The following TTC3 variants were observed in gnomAD, a reference collection of about 807,000 sequenced individuals.
TTC3 encodes E3 ubiquitin-protein ligase TTC3.
In TTC3, 180 loss-of-function variants were observed where a neutral mutation model predicts 249.6. That is an observed-to-expected ratio of 0.72 (90% CI 0.64 to 0.82). The LOEUF is 0.82. Among genes scored for constraint, TTC3 ranks in the 40% least tolerant of loss-of-function variants. The pLI is 0.00. For missense variants in TTC3, 2,061 were observed against 2,398.4 expected (o/e 0.86, Z 2.94); for synonymous variants, 717 against 805.0 (o/e 0.89, Z 1.85).
exon 33 of TTC3, chr21:37,166,451 A>G: frequency 1.9e-6 from 3 of 1,614,226 alleles, no homozygotes; most frequent in Non-Finnish European, 2.5e-6. Flanking sequence ...CTCTTTGGGA[A>G]TATCTGTAAA....
intron 35 of TTC3, among the ~76,000 whole-genome samples, chr21:37,174,302 C>A (rs536357546): frequency 6.6e-6 from 1 of 152,276 alleles, no homozygotes; most frequent in South Asian, 2.1e-4. Flanking sequence ...CTTAAAAGGG[C>A]AATTACTAAG....
intron 17 of TTC3, among the ~76,000 whole-genome samples, chr21:37,133,862 C>T (rs1476984929): frequency 1.3e-5 from 2 of 152,032 alleles, no homozygotes; most frequent in African/African-American, 4.8e-5. Context: ...CATAGGAAGG[C>T]CCTGTCTTAT....
At chr21:37,116,995 G>A (rs937759948) in intron 11 of TTC3, among the ~76,000 whole-genome samples, 5 of 151,932 alleles carry the variant, frequency 3.3e-5, no homozygotes, top group African/African-American at 9.7e-5. Context: ...ACTGCTCTGC[G>A]GATAGCCTTC....
chr21:37,123,087 T>G lies in TTC3; in HGVS notation c.1109+59T>G, dbSNP rs1304194406. On this transcript the variant is annotated intron_variant, in intron 13 of 45. Transcript: ENST00000355666. ...TAGGAATGGCTTTGCTGCATGAATT[T>G]AAGAATCACTTATGTTTGACGCTTT... 5.8e-6 allele frequency: 9 copies of G among 1,555,724 alleles called. No individual in the cohort carries two copies. In the East Asian group the frequency reaches 1.3e-4, roughly 23 times the overall value.
chr21:37,081,220 C>A (rs999466966), intron 1 of TTC3, among the ~76,000 whole-genome samples: 1 of 143,340 alleles, frequency 7.0e-6, no homozygotes, highest in African/African-American at 2.6e-5. Context: ...TGGATTCAAG[C>A]GATTCTCCTG....
intron 39 of TTC3, among the ~76,000 whole-genome samples, chr21:37,190,560 A>G (rs2083953469): frequency 6.6e-6 from 1 of 152,202 alleles, no homozygotes. Flanking sequence ...AACCGCCTGT[A>G]CTAAGCACCC....
At chr21:37,150,929 G>C in intron 25 of TTC3, 45 bp downstream of exon 25, 1 of 1,365,178 alleles carries the variant, frequency 7.3e-7, no homozygotes, top group Non-Finnish European at 1.0e-6. Context: ...ATGTCTCTTA[G>C]AATATAATTC....
chr21:37,188,569 T>C, exon 39 of TTC3: 1 of 1,614,058 alleles, frequency 6.2e-7, no homozygotes. Flanking sequence ...CAGAAGCCTT[T>C]CTGAAGAAGC....
At chr21:37,184,704 G>T (rs1407117996) in intron 36 of TTC3, among the ~76,000 whole-genome samples, 1 of 147,670 alleles carries the variant, frequency 6.8e-6, no homozygotes, top group Non-Finnish European at 1.5e-5. Context: ...CCTGACCTCA[G>T]ATGATCCACC....
At chr21:37,174,034 C>T (rs2082028578) in intron 35 of TTC3, among the ~76,000 whole-genome samples, 2 of 152,176 alleles carry the variant, frequency 1.3e-5, no homozygotes, top group Non-Finnish European at 2.9e-5. Context: ...AGTGATGAGG[C>T]AGATTGGAGA....
chr21:37,185,870 A>G lies in TTC3; in HGVS notation c.4826+96A>G, dbSNP rs183649709. The G allele has an allele frequency of 2.3e-4, 134 of 570,972 alleles. No individual in the cohort carries two copies. In the African/African-American group the frequency reaches 2.4e-3, roughly 10 times the overall value. The allele number at this position is 570,972 out of a possible 1,614,324, so 35.4% of individuals were successfully genotyped here. ...CTTTGAAATATATTGTTGCTTGTCT[A>G]TTTCTTTTAAATAATTATGTTTCTG... On this transcript the variant is annotated intron_variant, in intron 37 of 45. Coordinates refer to ENST00000355666, the Ensembl canonical transcript of TTC3.
chr21:37,202,777 T>C (rs2148263917), exon 46 of TTC3: 1 of 152,370 alleles, frequency 6.6e-6, no homozygotes, highest in Middle Eastern at 3.4e-3. Context: ...ACTGGAAACT[T>C]AGAGTCATGA....
chr21:37,156,303 C>T (rs1001789233), intron 27 of TTC3, among the ~76,000 whole-genome samples: 76 of 152,014 alleles, frequency 5.0e-4, no homozygotes, highest in Admixed American at 3.1e-3. Flanking sequence ...TCCCAAAGTG[C>T]TGGGGTTACG....
At chr21:37,130,566 T>TA (rs1303343204) in intron 16 of TTC3, among the ~76,000 whole-genome samples, 1 of 152,208 alleles carries the variant, frequency 6.6e-6, no homozygotes. Context: ...TCATTACTGT[T>TA]ACCACCATCA....
At chr21:37,167,526 G>C (rs1202139342) in intron 33 of TTC3, 29 bp from the exon 34 acceptor site, 1 of 1,408,870 alleles carries the variant, frequency 7.1e-7, no homozygotes, top group South Asian at 1.2e-5. Flanking sequence ...TTGAGATAAA[G>C]TGAATTTTAT....
intron 10 of TTC3, chr21:37,101,351 TTGTGTGTGTGTGTGTGTG>T (rs34514861): frequency 1.4e-5 from 2 of 144,352 alleles, no homozygotes; most frequent in Non-Finnish European, 3.1e-5. Flanking sequence ...TCACAAATTC[TTGTGTGTGTGTGTGTGTG>T]TGTGTGTGTG....
chr21:37,114,405 A>G (rs1280337973), intron 11 of TTC3, among the ~76,000 whole-genome samples: 3 of 152,258 alleles, frequency 2.0e-5, no homozygotes, highest in African/African-American at 7.2e-5. Flanking sequence ...AAAAGAAGAC[A>G]TTTATGTAGC....
intron 27 of TTC3, 82 bp from the exon 28 acceptor site, chr21:37,156,573 C>A: frequency 6.6e-7 from 1 of 1,508,208 alleles, no homozygotes; most frequent in Non-Finnish European, 8.9e-7. Flanking sequence ...TAATCAGCTG[C>A]TTTCAGAGAT....
chr21:37,120,359 A>G (rs2076484673), intron 11 of TTC3, among the ~76,000 whole-genome samples: 1 of 152,206 alleles, frequency 6.6e-6, no homozygotes, highest in Non-Finnish European at 1.5e-5. Context: ...ATTATGTTTT[A>G]TAGGGTTCAG....
Sources: gnomAD v4.1 joint callset for allele counts (sites outside exome capture counted in the v4.1 genomes callset) on GRCh38, gnomAD v4.1.1 for gene constraint, MANE v1.5 for transcripts, NCBI Gene and HGNC (gene_info 2026-07-23, HGNC 2026-07-21) for gene names.